REC114: variants seen among roughly 807,000 people sequenced by gnomAD.
REC114 encodes the protein meiotic recombination protein REC114.
In REC114, 27 loss-of-function variants were observed where a neutral mutation model predicts 31.3. The observed-to-expected ratio is 0.86, with a 90% confidence interval of 0.64 to 1.19. REC114 has a LOEUF of 1.19. REC114 is among the 50% of genes most tolerant of loss of function. The probability of loss-of-function intolerance (pLI) is 0.00; values close to 1 mark genes in which losing one functional copy is unlikely to be tolerated. For synonymous variants in REC114, 134 were observed against 127.7 expected (o/e 1.05, Z -0.33); for missense variants, 344 against 326.9 (o/e 1.05, Z -0.40).
chr15:73,471,447 T>A (rs967402545), intron 1 of REC114, among the ~76,000 whole-genome samples: 2 of 152,182 alleles, frequency 1.3e-5, no homozygotes, highest in Admixed American at 1.3e-4. Context: ...TGATGTCAAA[T>A]GTCTACAACA....
intron 2 of REC114, among the ~76,000 whole-genome samples, chr15:73,485,290 G>A (rs1259046333): frequency 2.0e-5 from 3 of 152,062 alleles, no homozygotes; most frequent in Non-Finnish European, 2.9e-5. Flanking sequence ...CACCGTGTTG[G>A]CCAGGATGGT....
chr15:73,553,465 C>A (rs563912327), intron 4 of REC114, among the ~76,000 whole-genome samples: 1 of 152,220 alleles, frequency 6.6e-6, no homozygotes, highest in East Asian at 1.9e-4. Flanking sequence ...TGTTTCACTG[C>A]CTGTTAGATT....
intron 2 of REC114, among the ~76,000 whole-genome samples, chr15:73,494,714 A>AT (rs1424343663): frequency 6.6e-6 from 1 of 152,210 alleles, no homozygotes; most frequent in Non-Finnish European, 1.5e-5. Context: ...GTGGGCCAGA[A>AT]TATCCAAATA....
chr15:73,534,281 C>T lies in REC114; in HGVS notation c.250-6204C>T, dbSNP rs573461646. On this transcript the variant is annotated intron_variant, in intron 2 of 5. Coordinates refer to ENST00000331090, the MANE Select transcript of REC114 (RefSeq NM_001042367.2). ...GAAAGGATCAACAAAATTGATAGAC[C>T]GCTAGCAAGACTAATAAAAAAAGAG... Among the ~76,000 whole-genome samples the T allele has an allele frequency of 5.2e-4, 79 of 152,048 alleles. No homozygotes were observed. In the East Asian group the frequency reaches 5.8e-3, roughly 11 times the overall value.
intron 2 of REC114, among the ~76,000 whole-genome samples, chr15:73,537,635 A>G (rs745840367): frequency 7.2e-5 from 11 of 152,238 alleles, no homozygotes; most frequent in Non-Finnish European, 1.6e-4. Flanking sequence ...ATTGTTAACT[A>G]TAAGCACAGT....
At chr15:73,491,633 C>T (rs1893448513) in intron 2 of REC114, among the ~76,000 whole-genome samples, 1 of 152,224 alleles carries the variant, frequency 6.6e-6, no homozygotes, top group South Asian at 2.1e-4. Flanking sequence ...TGCAATGGCT[C>T]ACGCCTGTAA....
chr15:73,476,731 T>C (rs1462080873), intron 2 of REC114, among the ~76,000 whole-genome samples: 2 of 152,238 alleles, frequency 1.3e-5, no homozygotes, highest in East Asian at 3.8e-4. Context: ...TTTTCATTAA[T>C]GAAGAATATT....
Position 73,550,928 on chromosome 15 carries a change from T to C in REC114, c.334-10T>C. ...GGGTCTCTCATGATAACTTTTGATT[T>C]GTCAAACAGGACAAGAGTCGCCTGT... is the stretch of plus-strand genomic sequence containing the variant. On this transcript the variant is annotated splice_polypyrimidine_tract_variant and intron_variant, in intron 3 of 5. Transcript: ENST00000331090. The C allele has an allele frequency of 1.2e-6, 2 of 1,613,532 alleles. No individual in the cohort carries two copies. The highest frequency in any genetic ancestry group is 1.7e-6 in the Non-Finnish European group (2 of 1,179,570).
intron 1 of REC114, among the ~76,000 whole-genome samples, chr15:73,454,365 G>A (rs1418997287): frequency 6.6e-6 from 1 of 152,164 alleles, no homozygotes; most frequent in Non-Finnish European, 1.5e-5. Flanking sequence ...AGAAATTTAA[G>A]TGGAGTGAAG....
intron 3 of REC114, among the ~76,000 whole-genome samples, chr15:73,548,686 C>T (rs1387553271): frequency 1.3e-5 from 2 of 152,200 alleles, no homozygotes; most frequent in Non-Finnish European, 2.9e-5. Flanking sequence ...AATCCCGTTA[C>T]TTGGTATATA....
chr15:73,452,890 C>T (rs981042860), intron 1 of REC114, among the ~76,000 whole-genome samples: 1 of 152,136 alleles, frequency 6.6e-6, no homozygotes, highest in Non-Finnish European at 1.5e-5. Context: ...GAAAAGGATT[C>T]CCTATTTAAT....
At chr15:73,472,870 A>G (rs1274422577) in intron 1 of REC114, among the ~76,000 whole-genome samples, 1 of 152,180 alleles carries the variant, frequency 6.6e-6, no homozygotes, top group African/African-American at 2.4e-5. Context: ...ATGATTTACC[A>G]ACATAGGTAA....
At chr15:73,474,011 C>T (rs1324258943) in intron 2 of REC114, 90 bp downstream of exon 2, 2 of 812,930 alleles carry the variant, frequency 2.5e-6, no homozygotes, top group Non-Finnish European at 4.0e-6. Context: ...CTTCTTCAGT[C>T]TCACTGTAAT....
Position 73,498,548 on chromosome 15 carries a change from A to AT in REC114, c.249+24628dup, listed in dbSNP as rs1374528223. Among the ~76,000 whole-genome samples the AT allele has an allele frequency of 8.5e-5, 13 of 152,318 alleles. No individual in the cohort carries two copies. The East Asian group carries it at 2.5e-3, about 29-fold the overall frequency. ...TTCCTGACTTCAGCAGTTATCAGTGATGGGAACAGGGAGTAGAAATAGCAG... is the reference window on the plus strand; with the variant it reads ...TTCCTGACTTCAGCAGTTATCAGTGATTGGGAACAGGGAGTAGAAATAGCAG... On this transcript the variant is annotated intron_variant, in intron 2 of 5. Transcript: ENST00000331090.
chr15:73,538,320 T>C lies in REC114; in HGVS notation c.250-2165T>C, dbSNP rs566293608. On this transcript the variant is annotated intron_variant, in intron 2 of 5. Coordinates refer to ENST00000331090, the MANE Select transcript of REC114 (RefSeq NM_001042367.2). ...CATTAATGTTTTACATCATTTACAA[T>C]CTAGTCATCAATTTGTTCAGTGTTT... Among the ~76,000 whole-genome samples, 165 of 152,278 alleles carry C rather than the reference T, an allele frequency of 1.1e-3. 1 individual carries two copies. Among genetic ancestry groups the C allele is most frequent in the African/African-American group, 3.7e-3 (153 of 41,568 alleles).
At chr15:73,530,105 T>C (rs1894057612) in intron 2 of REC114, among the ~76,000 whole-genome samples, 1 of 152,180 alleles carries the variant, frequency 6.6e-6, no homozygotes, top group South Asian at 2.1e-4. Context: ...AAGTAAGTTA[T>C]AGAATGGGCA....
chr15:73,481,195 A>C (rs1358202486), intron 2 of REC114, among the ~76,000 whole-genome samples: 2 of 152,180 alleles, frequency 1.3e-5, no homozygotes, highest in Non-Finnish European at 2.9e-5. Context: ...AAAACACGTC[A>C]ACATGGTTTT....
intron 2 of REC114, among the ~76,000 whole-genome samples, chr15:73,514,610 C>G (rs1246366969): frequency 1.3e-5 from 2 of 152,038 alleles, no homozygotes; most frequent in Non-Finnish European, 2.9e-5. Context: ...TGGAAGTATT[C>G]ATAATGGGCA....
intron 1 of REC114, among the ~76,000 whole-genome samples, chr15:73,463,474 T>C (rs1422729380): frequency 2.6e-5 from 4 of 152,226 alleles, no homozygotes; most frequent in Non-Finnish European, 5.9e-5. Context: ...GTGGTTGGTT[T>C]TTATAGCAGA....
Sources: allele counts gnomAD v4.1 joint callset (sites outside exome capture counted in the v4.1 genomes callset), GRCh38; gene constraint gnomAD v4.1.1; transcripts MANE v1.5; gene names NCBI Gene and HGNC (gene_info 2026-07-23, HGNC 2026-07-21).